TVP23C: variants seen among roughly 807,000 people sequenced by gnomAD.
TVP23C encodes Golgi apparatus membrane protein TVP23 homolog C.
A neutral mutation model predicts 28.7 loss-of-function variants in TVP23C; 19 were observed. The ratio of observed to expected loss-of-function variants is 0.66; its 90% CI spans 0.46 to 0.97. The LOEUF is 0.97. Among genes scored for constraint, TVP23C ranks in the 50% least tolerant of loss-of-function variants. The pLI, the probability that TVP23C is intolerant of heterozygous loss-of-function variation, is 0.00. For synonymous variants in TVP23C, 68 were observed against 81.7 expected, an observed-to-expected ratio of 0.83 and a Z score of 0.90; for missense variants, 186 against 241.3, an observed-to-expected ratio of 0.77 and a Z score of 1.52.
rs567926369 is a variant in TVP23C at position 15,556,043 on chromosome 17, AG to A, written c.13-680del. On this transcript the variant is annotated intron_variant, in intron 1 of 5. Transcript: ENST00000518321. The stretch of plus-strand genomic sequence containing the variant: ...ACGATTCTCCTGCTTCAGCCTTCCA[AG>A]TTGCTGGGATTACAGGCGTGTGCCA... Among the ~76,000 whole-genome samples, 60 of 152,206 alleles carry A rather than the reference AG, an allele frequency of 3.9e-4. 1 individual carries two copies. The highest frequency in any genetic ancestry group is 3.5e-3 in the Admixed American group (54 of 15,288).
intron 5 of TVP23C, among the ~76,000 whole-genome samples, chr17:15,504,985 C>A (rs1306591516): frequency 6.6e-6 from 1 of 152,132 alleles, no homozygotes; most frequent in African/African-American, 2.4e-5. Flanking sequence ...CCAATAAAAC[C>A]GCTGTTTATT....
At chr17:15,548,194 T>A (rs1420537743) in intron 3 of TVP23C, among the ~76,000 whole-genome samples, 1 of 152,174 alleles carries the variant, frequency 6.6e-6, no homozygotes, top group African/African-American at 2.4e-5. Flanking sequence ...GAGACAGAGT[T>A]TCGCTCTTGT....
chr17:15,540,402 T>C lies in TVP23C; in HGVS notation c.*10A>G. The C allele has an allele frequency of 3.8e-6, 6 of 1,578,658 alleles. No homozygotes were observed. The highest frequency in any genetic ancestry group is 5.2e-6 in the Non-Finnish European group (6 of 1,158,680). ...CTATGAAAGTTAGAAATAATTGCAT[T>C]AGTCACTGATCACATCCAGAAAACA... On this transcript the variant is annotated 3_prime_UTR_variant, in exon 6 of 6. Coordinates refer to ENST00000518321, the MANE Select transcript of TVP23C (RefSeq NM_001135036.2).
chr17:15,552,991 T>A (rs1434480604), intron 3 of TVP23C, among the ~76,000 whole-genome samples: 12 of 151,724 alleles, frequency 7.9e-5, no homozygotes, highest in Non-Finnish European at 1.6e-4. Context: ...AACCATTTCT[T>A]ACACTCCTTT....
chr17:15,542,718 G>A (rs1224816795), intron 5 of TVP23C, among the ~76,000 whole-genome samples: 6 of 152,160 alleles, frequency 3.9e-5, no homozygotes, highest in South Asian at 2.1e-4. Context: ...CTCGTGATCC[G>A]CCCGCCTTGG....
In TVP23C at chr17:15,504,036, C is replaced by T. The variant is rs140590281; in HGVS notation, c.463-804G>A. Among the ~76,000 whole-genome samples, 52 of 152,238 alleles carry T rather than the reference C, an allele frequency of 3.4e-4. No homozygotes were observed. In the East Asian group the frequency reaches 0.01, roughly 29 times the overall value. ...TCAGGGACACTCAGAAAAAAGAGCC[C>T]AGTCTCCTGAGAGCAAGCATGCAGC... On this transcript the variant is annotated intron_variant, in intron 5 of 5. Coordinates refer to the TVP23C transcript ENST00000225576.
chr17:15,536,359 G>T (rs1201947955), downstream of TVP23C, among the ~76,000 whole-genome samples: 1 of 152,182 alleles, frequency 6.6e-6, no homozygotes, highest in Non-Finnish European at 1.5e-5. Flanking sequence ...GAAAAAGGGG[G>T]AAGGGATGGG....
At chr17:15,521,483 A>G (rs1005062762) in intron 5 of TVP23C, among the ~76,000 whole-genome samples, 20 of 152,162 alleles carry the variant, frequency 1.3e-4, no homozygotes, top group Non-Finnish European at 2.2e-4. Context: ...CAGCCTGGGC[A>G]ACAGAGCGAG....
chr17:15,554,400 G>A (rs1284297627), intron 2 of TVP23C, among the ~76,000 whole-genome samples: 1 of 151,784 alleles, frequency 6.6e-6, no homozygotes, highest in African/African-American at 2.4e-5. Context: ...ACCACGCCCG[G>A]CTAATTTTTT....
chr17:15,505,445 T>C (rs1215402757), intron 5 of TVP23C, among the ~76,000 whole-genome samples: 2 of 152,226 alleles, frequency 1.3e-5, no homozygotes, highest in African/African-American at 4.8e-5. Flanking sequence ...AGCACTGTTG[T>C]TTCCTTCCTG....
At chr17:15,553,959 T>G in intron 2 of TVP23C, 130 bp from the exon 3 acceptor site, 1 of 1,523,512 alleles carries the variant, frequency 6.6e-7, no homozygotes, top group Non-Finnish European at 8.9e-7. Context: ...GTGACTTTAG[T>G]AGGAGGAAGC....
intron 5 of TVP23C, among the ~76,000 whole-genome samples, chr17:15,529,345 G>A (rs758205588): frequency 6.6e-6 from 1 of 152,006 alleles, no homozygotes; most frequent in East Asian, 1.9e-4. Context: ...CCAGCTAATC[G>A]GGAGGCTGAG....
Position 15,523,763 on chromosome 17 carries a change from G to A in TVP23C, c.463-20531C>T, listed in dbSNP as rs529041956. 7.9e-5 allele frequency among the ~76,000 whole-genome samples: 12 copies of A among 151,942 alleles called. No homozygotes were observed. The South Asian group carries it at 1.5e-3, about 18-fold the overall frequency. ...CAAGTAGCTGGGACTACAGGCGCCC[G>A]CCACCATGCCCGGCTAATTTTTTGT... On this transcript the variant is annotated intron_variant, in intron 5 of 5. Transcript: ENST00000225576.
At chr17:15,511,182 C>T (rs1194307263) in intron 5 of TVP23C, among the ~76,000 whole-genome samples, 3 of 152,050 alleles carry the variant, frequency 2.0e-5, no homozygotes, top group African/African-American at 7.2e-5. Context: ...CACAGGTACC[C>T]GGTCTACAGT....
intron 5 of TVP23C, among the ~76,000 whole-genome samples, chr17:15,525,231 C>T (rs1380765055): frequency 6.6e-6 from 1 of 152,120 alleles, no homozygotes; most frequent in Non-Finnish European, 1.5e-5. Context: ...ATTAGGTGCC[C>T]GGCACTGGGT....
chr17:15,525,454 A>G (rs1484601224), intron 5 of TVP23C, among the ~76,000 whole-genome samples: 1 of 152,174 alleles, frequency 6.6e-6, no homozygotes, highest in African/African-American at 2.4e-5. Flanking sequence ...AGTAAAACAG[A>G]TTGCTCTTTT....
chr17:15,505,764 G>A (rs1375588397), intron 5 of TVP23C, among the ~76,000 whole-genome samples: 4 of 151,682 alleles, frequency 2.6e-5, no homozygotes, highest in Non-Finnish European at 4.4e-5. Context: ...CCGGGTGGGC[G>A]TGGGCTTGGC....
intron 1 of TVP23C, among the ~76,000 whole-genome samples, chr17:15,561,513 C>T (rs1984385409): frequency 6.6e-6 from 1 of 152,006 alleles, no homozygotes. Context: ...GCAGAAGAAT[C>T]GCTTGAAGCC....
chr17:15,521,507 A>T (rs1226173731), intron 5 of TVP23C, among the ~76,000 whole-genome samples: 1 of 152,244 alleles, frequency 6.6e-6, no homozygotes, highest in Non-Finnish European at 1.5e-5. Flanking sequence ...CCGTCTCAAA[A>T]AAAAAACAAA....
Sources: gnomAD v4.1 joint callset for allele counts (sites outside exome capture counted in the v4.1 genomes callset) on GRCh38, gnomAD v4.1.1 for gene constraint, MANE v1.5 for transcripts, NCBI Gene and HGNC (gene_info 2026-07-23, HGNC 2026-07-21) for gene names.